Variants in PAPPA2 observed in about 807,000 individuals in gnomAD.
PAPPA2 encodes pappalysin-2.
Under a neutral mutation model 176.4 loss-of-function variants are expected in PAPPA2, and 86 were observed. The observed-to-expected ratio is 0.49, with a 90% CI of 0.41 to 0.58. The LOEUF (loss-of-function observed/expected upper bound fraction) is 0.58. PAPPA2 is among the 20% of genes least tolerant of loss of function. The pLI is 0.00. For missense variants in PAPPA2, 2,073 were observed against 2,256.9 expected (o/e 0.92, Z 1.65); for synonymous variants, 809 against 852.2 (o/e 0.95, Z 0.88).
In PAPPA2 at chr1:176,778,865, A is replaced by G. The variant is rs17354762; in HGVS notation, c.4715+7685A>G. 5.2e-3 allele frequency among the ~76,000 whole-genome samples: 791 copies of G among 152,282 alleles called. 5 individuals carry two copies. The highest frequency in any genetic ancestry group is 0.01 in the Middle Eastern group (3 of 294). Reference sequence around the variant, plus strand: ...CAAAATTTATCCTTGAAATCCTCAAATATCTTGCCATTGTAGGATAATGTG... The same window carrying G: ...CAAAATTTATCCTTGAAATCCTCAAGTATCTTGCCATTGTAGGATAATGTG... On this transcript the variant is annotated intron_variant, in intron 17 of 22. Coordinates refer to ENST00000367662, the MANE Select transcript of PAPPA2 (RefSeq NM_020318.3).
intron 3 of PAPPA2, among the ~76,000 whole-genome samples, chr1:176,602,419 C>G (rs1654379923): frequency 6.6e-6 from 1 of 152,100 alleles, no homozygotes; most frequent in Non-Finnish European, 1.5e-5. Context: ...GGTAGAGGCA[C>G]ATGGCATCAA....
intron 3 of PAPPA2, among the ~76,000 whole-genome samples, chr1:176,666,111 A>G (rs1658627243): frequency 6.6e-6 from 1 of 152,224 alleles, no homozygotes; most frequent in African/African-American, 2.4e-5. Context: ...ACTTTTAAAA[A>G]TTAGAACTGA....
chr1:176,484,600 G>A (rs1652565985), intron 1 of PAPPA2, among the ~76,000 whole-genome samples: 2 of 152,092 alleles, frequency 1.3e-5, no homozygotes, highest in Admixed American at 6.5e-5. Flanking sequence ...ATCAAGCTCG[G>A]GGATTCTTTC....
chr1:176,554,099 C>T (rs190015570), intron 1 of PAPPA2, among the ~76,000 whole-genome samples: 2 of 152,012 alleles, frequency 1.3e-5, no homozygotes, highest in Non-Finnish European at 2.9e-5. Flanking sequence ...GGACTTGCAT[C>T]GAGGCTCCAG....
At chr1:176,764,205 T>C (rs1188904503) in intron 14 of PAPPA2, among the ~76,000 whole-genome samples, 1 of 152,120 alleles carries the variant, frequency 6.6e-6, no homozygotes, top group Non-Finnish European at 1.5e-5. Flanking sequence ...TACTGCCACA[T>C]TGGGAATGAA....
intron 1 of PAPPA2, among the ~76,000 whole-genome samples, chr1:176,532,958 G>A (rs919129422): frequency 6.6e-6 from 1 of 152,178 alleles, no homozygotes; most frequent in African/African-American, 2.4e-5. Context: ...TGGCAATCTT[G>A]TGGGTGGTTC....
chr1:176,813,915 G>C (rs1666276358), intron 21 of PAPPA2, among the ~76,000 whole-genome samples: 2 of 151,994 alleles, frequency 1.3e-5, no homozygotes, highest in African/African-American at 4.8e-5. Flanking sequence ...TTATAGTTTT[G>C]AATCTTACAT....
At chr1:176,543,054 G>T (rs1481224196) in intron 1 of PAPPA2, among the ~76,000 whole-genome samples, 1 of 152,164 alleles carries the variant, frequency 6.6e-6, no homozygotes, top group Admixed American at 6.5e-5. Flanking sequence ...GTTTCAAAGT[G>T]TGGGAGGAAT....
At chr1:176,488,463 T>G (rs1180110631) in intron 1 of PAPPA2, among the ~76,000 whole-genome samples, 1 of 152,118 alleles carries the variant, frequency 6.6e-6, no homozygotes, top group East Asian at 1.9e-4. Context: ...CAAGAGTGTC[T>G]TCGAAATTAG....
Position 176,480,793 on chromosome 1 carries a change from A to T in PAPPA2, c.-917+17375A>T, listed in dbSNP as rs548662343. Among the ~76,000 whole-genome samples, 6 of 146,724 alleles carry T rather than the reference A, an allele frequency of 4.1e-5. No individual in the cohort carries two copies. The East Asian group carries it at 1.2e-3, about 29-fold the overall frequency. ...CCCACCCCTCCCTCAGGCTCTTGCC[A>T]TCTTGCCAGCAAGGAAAATCCTACG... On this transcript the variant is annotated intron_variant, in intron 1 of 22. Transcript: ENST00000367662.
intron 1 of PAPPA2, among the ~76,000 whole-genome samples, chr1:176,521,959 C>T (rs975495243): frequency 6.6e-6 from 1 of 152,090 alleles, no homozygotes; most frequent in Non-Finnish European, 1.5e-5. Flanking sequence ...TAGGGCCTCC[C>T]TCTCCTTGAT....
At chr1:176,648,428 T>C (rs1254526548) in intron 3 of PAPPA2, among the ~76,000 whole-genome samples, 1 of 151,498 alleles carries the variant, frequency 6.6e-6, no homozygotes, top group Non-Finnish European at 1.5e-5. Flanking sequence ...CCCTTTATTT[T>C]TTCTCTTGCC....
chr1:176,530,438 A>G (rs1403802812), intron 1 of PAPPA2, among the ~76,000 whole-genome samples: 1 of 152,226 alleles, frequency 6.6e-6, no homozygotes, highest in East Asian at 1.9e-4. Context: ...TAATTAATTA[A>G]AAAGAAAAAA....
At chr1:176,676,867 TG>T (rs1659325757) in intron 4 of PAPPA2, among the ~76,000 whole-genome samples, 1 of 152,132 alleles carries the variant, frequency 6.6e-6, no homozygotes, top group African/African-American at 2.4e-5. Flanking sequence ...AAGGTATAGT[TG>T]AGTAAATGTA....
intron 2 of PAPPA2, among the ~76,000 whole-genome samples, chr1:176,578,853 T>C (rs549201169): frequency 1.1e-3 from 167 of 152,322 alleles, no homozygotes; most frequent in African/African-American, 3.9e-3. Flanking sequence ...CTGAAATACC[T>C]GGCTTTGAGG....
intron 4 of PAPPA2, among the ~76,000 whole-genome samples, chr1:176,685,418 T>A (rs1490705988): frequency 1.3e-5 from 2 of 152,164 alleles, no homozygotes; most frequent in Non-Finnish European, 2.9e-5. Flanking sequence ...CTCCAAAGGC[T>A]ACCTTGTGAG....
intron 1 of PAPPA2, among the ~76,000 whole-genome samples, chr1:176,489,710 C>T (rs1174164707): frequency 6.6e-6 from 1 of 152,020 alleles, no homozygotes; most frequent in East Asian, 1.9e-4. Context: ...TTTTTAGTGC[C>T]AAGAAATAAA....
chr1:176,723,513 A>G (rs1163451423), intron 12 of PAPPA2, among the ~76,000 whole-genome samples: 1 of 151,868 alleles, frequency 6.6e-6, no homozygotes, highest in Admixed American at 6.6e-5. Context: ...GAAATATAGG[A>G]TTTCTGACTC....
intron 3 of PAPPA2, among the ~76,000 whole-genome samples, chr1:176,603,957 C>CT (rs1221851231): frequency 6.6e-6 from 1 of 152,206 alleles, no homozygotes; most frequent in Non-Finnish European, 1.5e-5. Flanking sequence ...TGACTCTGAT[C>CT]TATAGGGTCA....
Sources: allele counts gnomAD v4.1 joint callset (sites outside exome capture counted in the v4.1 genomes callset), GRCh38; gene constraint gnomAD v4.1.1; transcripts MANE v1.5; gene names NCBI Gene and HGNC (gene_info 2026-07-23, HGNC 2026-07-21).